PLAC8: variants seen among roughly 807,000 people sequenced by gnomAD.
The protein encoded by PLAC8 is placenta-specific gene 8 protein.
In PLAC8, 6 loss-of-function variants were observed where a neutral mutation model predicts 12.6. The ratio of observed to expected loss-of-function variants is 0.48; its 90% CI spans 0.26 to 0.94. The LOEUF (loss-of-function observed/expected upper bound fraction) is 0.94, where lower values mean the gene tolerates loss of function less well. PLAC8 is among the 40% of genes least tolerant of loss of function. PLAC8 has a pLI of 0.14. For synonymous variants in PLAC8, 54 were observed against 52.6 expected, an observed-to-expected ratio of 1.03 and a Z score of -0.11; for missense variants, 122 against 152.7, an observed-to-expected ratio of 0.80 and a Z score of 1.06.
Position 83,107,588 on chromosome 4 carries a change from G to T in PLAC8, c.118+216C>A, listed in dbSNP as rs371839680. 4.2e-4 allele frequency among the ~76,000 whole-genome samples: 54 copies of T among 128,614 alleles called. No individual in the cohort carries two copies. The East Asian group carries it at 8.9e-3, about 21-fold the overall frequency. The allele number at this position is 128,614 out of a possible 152,430, so 84.4% of individuals were successfully genotyped here. ...TTAGGAGTAAGACTGTTCTTTGAAGGGCTGGAGAAAATTAAGTTATCCATA... is the reference window on the plus strand; with the variant it reads ...TTAGGAGTAAGACTGTTCTTTGAAGTGCTGGAGAAAATTAAGTTATCCATA... On this transcript the variant is annotated intron_variant, in intron 2 of 4. Transcript: ENST00000311507.
In PLAC8 at chr4:83,107,800, T is replaced by G. The variant is rs377072412; in HGVS notation, c.118+4A>C. 10 of 1,590,102 alleles carry G rather than the reference T, an allele frequency of 6.3e-6. No homozygotes were observed. The highest frequency in any genetic ancestry group is 2.6e-6 in the Non-Finnish European group (3 of 1,161,136). On this transcript the variant is annotated splice_donor_region_variant and intron_variant, in intron 2 of 4. Coordinates refer to ENST00000311507, the MANE Select transcript of PLAC8 (RefSeq NM_016619.3). ...ATAAGGGGGTTCTTTCCCCACACAC[T>G]TACAGACTCCGCAGTCGCTGAAACA... is the stretch of plus-strand genomic sequence containing the variant.
At chr4:83,099,938 A>G (rs1236430403) in intron 3 of PLAC8, among the ~76,000 whole-genome samples, 18 of 151,200 alleles carry the variant, frequency 1.2e-4, no homozygotes, top group African/African-American at 4.1e-4. Flanking sequence ...CCTGGGAGGC[A>G]GAGGTTGCAG....
intron 1 of PLAC8, among the ~76,000 whole-genome samples, chr4:83,114,379 A>G (rs963532271): frequency 2.6e-5 from 4 of 152,228 alleles, no homozygotes; most frequent in Non-Finnish European, 5.9e-5. Context: ...AATACAATGT[A>G]TAATATGTGT....
chr4:83,102,492 C>G (rs1419621443), intron 3 of PLAC8, among the ~76,000 whole-genome samples: 1 of 151,638 alleles, frequency 6.6e-6, no homozygotes, highest in African/African-American at 2.4e-5. Context: ...TGAGCCGAGA[C>G]GGCGCCACTG....
At chr4:83,092,406 T>C (rs1176106650) in intron 4 of PLAC8, among the ~76,000 whole-genome samples, 1 of 152,072 alleles carries the variant, frequency 6.6e-6, no homozygotes, top group Non-Finnish European at 1.5e-5. Flanking sequence ...TTTTTATTTT[T>C]ACTTTTTAGT....
intron 3 of PLAC8, among the ~76,000 whole-genome samples, chr4:83,095,836 A>C (rs1222858973): frequency 6.6e-6 from 1 of 152,194 alleles, no homozygotes; most frequent in Non-Finnish European, 1.5e-5. Flanking sequence ...GTTTTGATAA[A>C]TAAAAAAATT....
In PLAC8 at chr4:83,112,218, G is replaced by GTATATA. The variant is rs1211747154; in HGVS notation, c.-30+2442_-30+2447dup. ...TATATATATATGTATATATATATAT[G>GTATATA]TATATATATATATATATATGTATCA... On this transcript the variant is annotated intron_variant, in intron 1 of 4. Coordinates refer to ENST00000311507, the MANE Select transcript of PLAC8 (RefSeq NM_016619.3). Among the ~76,000 whole-genome samples the GTATATA allele has an allele frequency of 2.0e-3, 18 of 9,204 alleles. 1 individual carries two copies. Among genetic ancestry groups the GTATATA allele is most frequent in the Non-Finnish European group, 4.9e-3 (15 of 3,048 alleles). The allele number at this position is 9,204 out of a possible 152,430, so 6.0% of individuals were successfully genotyped here. A position where few individuals can be genotyped will look rare whatever the true frequency, so the allele number is the denominator to read the frequency against.
chr4:83,111,516 T>A (rs1732423261), intron 1 of PLAC8, among the ~76,000 whole-genome samples: 1 of 151,926 alleles, frequency 6.6e-6, no homozygotes, highest in Non-Finnish European at 1.5e-5. Context: ...AGGGGGCAAG[T>A]CATACAAATG....
intron 3 of PLAC8, among the ~76,000 whole-genome samples, chr4:83,098,799 T>A (rs1732011810): frequency 6.6e-6 from 1 of 152,038 alleles, no homozygotes; most frequent in African/African-American, 2.4e-5. Context: ...TGACTTGGGA[T>A]TCTATTTTGT....
chr4:83,101,487 T>C (rs111629115), intron 3 of PLAC8, among the ~76,000 whole-genome samples: 1,825 of 152,336 alleles, frequency 0.012, 41 homozygotes, highest in African/African-American at 0.042. Context: ...CTCCGTAACA[T>C]AAAAGCACAA....
intron 3 of PLAC8, among the ~76,000 whole-genome samples, chr4:83,100,986 G>C (rs1374451217): frequency 2.0e-5 from 3 of 152,148 alleles, no homozygotes; most frequent in Non-Finnish European, 2.9e-5. Flanking sequence ...GAGTGGTCTG[G>C]ATAGGAGACC....
chr4:83,107,125 G>T (rs1732261123), intron 2 of PLAC8, among the ~76,000 whole-genome samples: 1 of 151,730 alleles, frequency 6.6e-6, no homozygotes, highest in South Asian at 2.1e-4. Flanking sequence ...TCTTGAACCT[G>T]GGAGGCGGAG....
chr4:83,107,658 G>T lies in PLAC8; in HGVS notation c.118+146C>A, dbSNP rs952321438. The T allele has an allele frequency of 5.0e-3, 87 of 17,462 alleles. 1 individual carries two copies. The highest frequency in any genetic ancestry group is 3.5e-3 in the East Asian group (4 of 1,144). 1.1% of individuals were successfully genotyped at this position (17,462 alleles called of 1,614,324 possible). The stretch of plus-strand genomic sequence containing the variant: ...TTTTTTTTTTTTTTTTTTTTTTTTT[G>T]CTAAACATACCATTGCCTGACATGC... On this transcript the variant is annotated intron_variant, in intron 2 of 4. Transcript: ENST00000311507.
At chr4:83,091,830 T>C (rs754055007) in intron 4 of PLAC8, among the ~76,000 whole-genome samples, 27 of 152,196 alleles carry the variant, frequency 1.8e-4, no homozygotes, top group Non-Finnish European at 3.4e-4. Context: ...GCTTTCAACA[T>C]ACATACTTTT....
chr4:83,114,012 C>A (rs1732479516), intron 1 of PLAC8, among the ~76,000 whole-genome samples: 1 of 150,502 alleles, frequency 6.6e-6, no homozygotes, highest in Admixed American at 6.6e-5. Context: ...ATTGATTAAT[C>A]CAGATACTAG....
intron 3 of PLAC8, among the ~76,000 whole-genome samples, chr4:83,098,593 A>G (rs529665183): frequency 7.2e-4 from 109 of 152,348 alleles, no homozygotes; most frequent in African/African-American, 2.5e-3. Context: ...ATGTTAAAAG[A>G]TAATGAAAGA....
Position 83,107,095 on chromosome 4 carries a change from G to A in PLAC8, c.118+709C>T, listed in dbSNP as rs1274643551. Among the ~76,000 whole-genome samples, 3 of 151,976 alleles carry A rather than the reference G, an allele frequency of 2.0e-5. 1 individual carries two copies. The highest frequency in any genetic ancestry group is 4.1e-4 in the South Asian group (2 of 4,820). ...GGTGCCTGTAATCCCAGCTACTCAG[G>A]AGGCTGAGGCAGGAGAATCTCTTGA... On this transcript the variant is annotated intron_variant, in intron 2 of 4. Transcript: ENST00000311507.
At chr4:83,112,631 A>G (rs1732450365) in intron 1 of PLAC8, among the ~76,000 whole-genome samples, 1 of 152,224 alleles carries the variant, frequency 6.6e-6, no homozygotes, top group Non-Finnish European at 1.5e-5. Context: ...AAAGGGTCTA[A>G]TAACTTCTCC....
At chr4:83,104,787 T>C in intron 3 of PLAC8, 109 bp downstream of exon 3, 2 of 1,211,600 alleles carry the variant, frequency 1.7e-6, no homozygotes, top group Non-Finnish European at 2.4e-6. Flanking sequence ...GCTAGGGAAC[T>C]CTTATCAATC....
Sources: gnomAD v4.1 joint callset for allele counts (sites outside exome capture counted in the v4.1 genomes callset) on GRCh38, gnomAD v4.1.1 for gene constraint, MANE v1.5 for transcripts, NCBI Gene and HGNC (gene_info 2026-07-23, HGNC 2026-07-21) for gene names.